Variants in DSC3 observed in about 807,000 individuals in gnomAD.
DSC3 encodes the protein desmocollin 3.
DSC3 carries 97 observed loss-of-function variants against 89.5 expected under a neutral mutation model. The observed-to-expected ratio is 1.08, with a 90% CI of 0.92 to 1.28. The LOEUF (loss-of-function observed/expected upper bound fraction) is 1.28, where lower values mean the gene tolerates loss of function less well. Among genes scored for constraint, DSC3 ranks in the 50% most tolerant of loss-of-function variants. The probability of loss-of-function intolerance (pLI) is 0.00; values close to 1 mark genes in which losing one functional copy is unlikely to be tolerated. For missense variants in DSC3, 1,199 were observed against 1,085.3 expected (o/e 1.10, Z -1.47); for synonymous variants, 436 against 384.1 (o/e 1.14, Z -1.58).
intron 1 of DSC3, among the ~76,000 whole-genome samples, chr18:31,039,555 G>T (rs1477196365): frequency 6.6e-6 from 1 of 152,118 alleles, no homozygotes; most frequent in African/African-American, 2.4e-5. Flanking sequence ...AAGGTAAATT[G>T]CAAGATTTAC....
At chr18:31,018,609 T>C in intron 8 of DSC3, 57 bp downstream of exon 8, 3 of 1,543,984 alleles carry the variant, frequency 1.9e-6, no homozygotes, top group Non-Finnish European at 2.7e-6. Context: ...TTAATTCAGT[T>C]TAAATAAAAA....
At chr18:31,012,152 A>G (rs925439592) in intron 9 of DSC3, among the ~76,000 whole-genome samples, 1 of 152,146 alleles carries the variant, frequency 6.6e-6, no homozygotes, top group Non-Finnish European at 1.5e-5. Flanking sequence ...ACATGGCAAA[A>G]GCAAATTTTA....
chr18:31,001,474 T>C (rs970731179), intron 14 of DSC3, 144 bp downstream of exon 14: 4 of 917,408 alleles, frequency 4.4e-6, no homozygotes, highest in Non-Finnish European at 6.4e-6. Context: ...TATATAAACA[T>C]ATGAATATTG....
At chr18:31,015,920 G>A (rs1985220301) in intron 9 of DSC3, among the ~76,000 whole-genome samples, 1 of 152,166 alleles carries the variant, frequency 6.6e-6, no homozygotes, top group African/African-American at 2.4e-5. Flanking sequence ...GAAACAGTAT[G>A]CAGTCAAGAA....
rs932483270 is a variant in DSC3, at chr18:31,007,872, A to C, written c.1663+144T>G. On this transcript the variant is annotated intron_variant, in intron 11 of 15. Coordinates refer to ENST00000360428, the MANE Select transcript of DSC3 (RefSeq NM_001941.5). ...TGTCACCAAACAGTTTCACCTTGTTAGATAATTAAGAGAGACAGAAAGAGT... is the reference window on the plus strand; with the variant it reads ...TGTCACCAAACAGTTTCACCTTGTTCGATAATTAAGAGAGACAGAAAGAGT... 7 of 779,892 alleles carry C rather than the reference A, an allele frequency of 9.0e-6. No individual in the cohort carries two copies. The African/African-American group carries it at 1.2e-4, about 14-fold the overall frequency. The allele number at this position is 779,892 out of a possible 1,614,324, so 48.3% of individuals were successfully genotyped here.
Position 31,031,184 on chromosome 18 carries a change from A to C in DSC3, c.155-12T>G, listed in dbSNP as rs758540018. The C allele has an allele frequency of 6.3e-7, 1 of 1,599,970 alleles. No individual in the cohort carries two copies. Among genetic ancestry groups the C allele is most frequent in the Admixed American group, 1.7e-5 (1 of 58,780 alleles). On this transcript the variant is annotated splice_polypyrimidine_tract_variant and intron_variant, in intron 2 of 15. Coordinates refer to ENST00000360428, the MANE Select transcript of DSC3 (RefSeq NM_001941.5). ...CTCTTCCAAATTAACTGCAAGTAAA[A>C]ATTTCCAAGTTGTAAGGTAAAAACA...
At chr18:31,013,987 C>A (rs2144702113) in intron 9 of DSC3, among the ~76,000 whole-genome samples, 1 of 152,038 alleles carries the variant, frequency 6.6e-6, no homozygotes, top group East Asian at 1.9e-4. Flanking sequence ...GCCTAAATTT[C>A]CATTTATAAT....
At chr18:31,010,702 G>A (rs906058304) in intron 9 of DSC3, among the ~76,000 whole-genome samples, 2 of 152,152 alleles carry the variant, frequency 1.3e-5, no homozygotes, top group Non-Finnish European at 2.9e-5. Flanking sequence ...TATAGTTGTG[G>A]AAATGGAGCT....
At position 31,042,664 on chromosome 18, in the gene DSC3, G is replaced by A; in HGVS notation, c.-4C>T. ...GCCGGGGCCCAGCGGCGGCCATCGG[G>A]ATGCCGGGCAGGGCCAGGAGAACGC... On this transcript the variant is annotated 5_prime_UTR_variant, in exon 1 of 16. Transcript: ENST00000360428. The A allele has an allele frequency of 6.5e-7, 1 of 1,549,042 alleles. No homozygotes were observed. Among genetic ancestry groups the A allele is most frequent in the Middle Eastern group, 1.7e-4 (1 of 5,886 alleles).
chr18:31,008,451 A>G lies in DSC3; in HGVS notation c.1338T>C (p.Asp446=). 1 of 1,614,168 alleles carries G rather than the reference A, an allele frequency of 6.2e-7. No homozygotes were observed. Among genetic ancestry groups the G allele is most frequent in the Non-Finnish European group, 8.5e-7 (1 of 1,180,016 alleles). The part of the protein sequence containing the change: ...GVNNEAPFAR[D]IPRVTALNRA... ...TGTTCAAGGCTGTCACTCTGGGAAT[A>G]TCTCTAGCAAATGGCGCTTCATTGT... Residue 446 remains aspartate, a synonymous_variant, in exon 10 of 16, where the codon GAT becomes GAC. Coordinates refer to ENST00000360428, the MANE Select transcript of DSC3 (RefSeq NM_001941.5).
At chr18:31,010,007 A>AC (rs1985002791) in intron 9 of DSC3, among the ~76,000 whole-genome samples, 3 of 152,344 alleles carry the variant, frequency 2.0e-5, no homozygotes, top group Non-Finnish European at 4.4e-5. Flanking sequence ...CTGTACTATA[A>AC]AGTTGAAGCA....
chr18:31,011,429 C>A (rs1985052564), intron 9 of DSC3, among the ~76,000 whole-genome samples: 1 of 152,120 alleles, frequency 6.6e-6, no homozygotes, highest in African/African-American at 2.4e-5. Context: ...CTTGGTTTGG[C>A]CTACTGATTA....
intron 14 of DSC3, among the ~76,000 whole-genome samples, chr18:30,997,742 A>T (rs542505610): frequency 6.6e-6 from 1 of 152,240 alleles, no homozygotes; most frequent in East Asian, 1.9e-4. Flanking sequence ...AAATGTTACA[A>T]GAGCACAGAA....
At chr18:31,011,969 CAA>C (rs371759932) in intron 9 of DSC3, among the ~76,000 whole-genome samples, 2 of 51,574 alleles carry the variant, frequency 3.9e-5, no homozygotes, top group African/African-American at 8.8e-5. Context: ...ACTCCATCTC[CAA>C]AAAAAAAAAA....
intron 9 of DSC3, among the ~76,000 whole-genome samples, chr18:31,016,986 T>G (rs938740991): frequency 6.6e-6 from 1 of 152,168 alleles, no homozygotes; most frequent in African/African-American, 2.4e-5. Context: ...CATTCTACTT[T>G]CTGGAGAGTC....
At position 31,025,844 on chromosome 18, in the gene DSC3, AG is replaced by A; in HGVS notation, c.545del (p.Pro182LeufsTer2). On this transcript the variant is annotated frameshift_variant, in exon 5 of 16. Coordinates refer to ENST00000360428, the MANE Select transcript of DSC3 (RefSeq NM_001941.5). LOFTEE classifies it high-confidence loss of function. Reference sequence around the variant, plus strand: ...CTCTTTCTATATAAAACAAATTTAAAGGTTCTTTATCAACTCCACGTCCACT... The same window carrying A: ...CTCTTTCTATATAAAACAAATTTAAAGTTCTTTATCAACTCCACGTCCACT... The part of the protein sequence containing the change: ...SISGRGVDKE[P>X]LNLFYIERDT... The A allele has an allele frequency of 6.2e-7, 1 of 1,613,210 alleles. No homozygotes were observed. Among genetic ancestry groups the A allele is most frequent in the Non-Finnish European group, 8.5e-7 (1 of 1,179,376 alleles).
At chr18:31,034,576 C>T (rs1442179593) in intron 1 of DSC3, among the ~76,000 whole-genome samples, 2 of 152,162 alleles carry the variant, frequency 1.3e-5, no homozygotes, top group African/African-American at 4.8e-5. Context: ...CATGAATATT[C>T]ACAGTACATA....
At chr18:31,032,379 C>A in intron 1 of DSC3, 103 bp from the exon 2 acceptor site, 1 of 885,086 alleles carries the variant, frequency 1.1e-6, no homozygotes, top group South Asian at 1.5e-5. Flanking sequence ...GTCCAACACC[C>A]ATTTACAATA....
chr18:31,006,335 G>C (rs1984841174), intron 12 of DSC3, among the ~76,000 whole-genome samples: 1 of 145,622 alleles, frequency 6.9e-6, no homozygotes, highest in Non-Finnish European at 1.5e-5. Flanking sequence ...GTCTCCCTCT[G>C]TCCCCCAGGC....
Sources: gnomAD v4.1 joint callset for allele counts (sites outside exome capture counted in the v4.1 genomes callset) on GRCh38, gnomAD v4.1.1 for gene constraint, MANE v1.5 for transcripts, NCBI Gene and HGNC (gene_info 2026-07-23, HGNC 2026-07-21) for gene names.